Variants in PTPRD observed in about 807,000 individuals in gnomAD.
The protein encoded by PTPRD is protein tyrosine phosphatase receptor type D.
In PTPRD, 34 loss-of-function variants were observed where a neutral mutation model predicts 214.5. That is an observed-to-expected ratio of 0.16 (90% CI 0.12 to 0.21). PTPRD has a LOEUF of 0.21. PTPRD is among the 10% of genes least tolerant of loss of function. The pLI, the probability that PTPRD is intolerant of heterozygous loss-of-function variation, is 1.00. For synonymous variants in PTPRD, 1,128 were observed against 845.7 expected, an observed-to-expected ratio of 1.33 and a Z score of -5.79; for missense variants, 2,545 against 2,398.7, an observed-to-expected ratio of 1.06 and a Z score of -1.27.
chr9:8,556,848 T>A (rs1432708986), intron 14 of PTPRD, among the ~76,000 whole-genome samples: 3 of 152,136 alleles, frequency 2.0e-5, no homozygotes, highest in Non-Finnish European at 4.4e-5. Context: ...ATCGAACCCA[T>A]GTCTTTCATT....
chr9:8,505,200 G>A (rs779421353), intron 22 of PTPRD, among the ~76,000 whole-genome samples: 14 of 152,042 alleles, frequency 9.2e-5, no homozygotes, highest in Non-Finnish European at 1.6e-4. Context: ...AGTGTCTATG[G>A]GTAATCAATC....
At chr9:9,000,956 A>C (rs949051517) in intron 11 of PTPRD, among the ~76,000 whole-genome samples, 3 of 151,922 alleles carry the variant, frequency 2.0e-5, no homozygotes, top group South Asian at 2.1e-4. Flanking sequence ...TAACCATACA[A>C]ACAGCTACAG....
chr9:10,058,584 A>T (rs995349512), intron 3 of PTPRD, among the ~76,000 whole-genome samples: 9 of 152,098 alleles, frequency 5.9e-5, no homozygotes, highest in Non-Finnish European at 1.2e-4. Flanking sequence ...TCCTGCTATC[A>T]ACTGAGTCAT....
intron 11 of PTPRD, among the ~76,000 whole-genome samples, chr9:8,812,450 T>A (rs535365689): frequency 6.6e-6 from 1 of 152,362 alleles, no homozygotes; most frequent in African/African-American, 2.4e-5. Flanking sequence ...GGTAAACTTA[T>A]ATCCATCAAT....
At chr9:8,430,574 G>C (rs917296448) in intron 35 of PTPRD, among the ~76,000 whole-genome samples, 2 of 152,016 alleles carry the variant, frequency 1.3e-5, no homozygotes, top group African/African-American at 4.8e-5. Context: ...ACTGTGCCCA[G>C]CTGGGATGAC....
At chr9:9,056,008 T>C (rs2099695522) in intron 10 of PTPRD, among the ~76,000 whole-genome samples, 1 of 152,112 alleles carries the variant, frequency 6.6e-6, no homozygotes, top group Non-Finnish European at 1.5e-5. Flanking sequence ...ACAGTTTTGG[T>C]TCATAATGTC....
chr9:9,177,084 T>TTTTA, intron 10 of PTPRD, among the ~76,000 whole-genome samples: 1 of 152,270 alleles, frequency 6.6e-6, no homozygotes, highest in African/African-American at 2.4e-5. Flanking sequence ...AGAGGTTTAA[T>TTTTA]TGACTCACAG....
Position 10,148,062 on chromosome 9 carries a change from T to C in PTPRD, c.-544-114272A>G, listed in dbSNP as rs141281053. Among the ~76,000 whole-genome samples the C allele has an allele frequency of 5.2e-4, 79 of 152,280 alleles. No individual in the cohort carries two copies. The East Asian group carries it at 0.014, about 28-fold the overall frequency. ...ATACGACTTTCTAAATCCAGAGATT[T>C]TCTACCTCATGCCCACCACCACCTT... On this transcript the variant is annotated intron_variant, in intron 3 of 45. Coordinates refer to ENST00000381196, the MANE Select transcript of PTPRD (RefSeq NM_002839.4).
At chr9:10,433,884 T>A (rs369589619) in intron 2 of PTPRD, among the ~76,000 whole-genome samples, 1 of 151,848 alleles carries the variant, frequency 6.6e-6, no homozygotes, top group Non-Finnish European at 1.5e-5. Flanking sequence ...TCACAATTGA[T>A]CAGAATACTG....
intron 11 of PTPRD, among the ~76,000 whole-genome samples, chr9:9,003,027 T>C (rs910607071): frequency 2.0e-5 from 3 of 152,070 alleles, no homozygotes; most frequent in Non-Finnish European, 4.4e-5. Context: ...AATCATGAAA[T>C]GCTTTTAATG....
intron 5 of PTPRD, among the ~76,000 whole-genome samples, chr9:9,883,183 T>G (rs2069430150): frequency 6.6e-6 from 1 of 152,034 alleles, no homozygotes; most frequent in African/African-American, 2.4e-5. Flanking sequence ...TCCTTGAAGG[T>G]GCTTATACTT....
At chr9:10,417,321 A>AT (rs1024607524) in intron 2 of PTPRD, among the ~76,000 whole-genome samples, 1 of 151,982 alleles carries the variant, frequency 6.6e-6, no homozygotes. Context: ...ATTTTTAGAG[A>AT]TTTTAAGAAT....
intron 2 of PTPRD, among the ~76,000 whole-genome samples, chr9:10,583,463 T>TG (rs1339100174): frequency 6.6e-6 from 1 of 151,812 alleles, no homozygotes; most frequent in East Asian, 1.9e-4. Flanking sequence ...AGTTCTTTTT[T>TG]TTTTTTTAGA....
At chr9:9,547,456 C>T (rs1458186581) in intron 8 of PTPRD, among the ~76,000 whole-genome samples, 1 of 152,010 alleles carries the variant, frequency 6.6e-6, no homozygotes, top group Non-Finnish European at 1.5e-5. Flanking sequence ...AGGAATCAAG[C>T]TGCCTAGCCT....
chr9:9,673,716 T>G (rs1186787188), intron 7 of PTPRD, among the ~76,000 whole-genome samples: 1 of 150,594 alleles, frequency 6.6e-6, no homozygotes, highest in East Asian at 1.9e-4. Flanking sequence ...AGAAGACAAT[T>G]TAGAAAAAAA....
At chr9:8,564,670 A>G (rs1339913957) in intron 14 of PTPRD, among the ~76,000 whole-genome samples, 1 of 152,206 alleles carries the variant, frequency 6.6e-6, no homozygotes, top group African/African-American at 2.4e-5. Context: ...ACTGTACTCC[A>G]GCCTGGGCGA....
chr9:9,243,896 A>G (rs1239477660), intron 9 of PTPRD, among the ~76,000 whole-genome samples: 2 of 152,154 alleles, frequency 1.3e-5, no homozygotes, highest in Non-Finnish European at 2.9e-5. Flanking sequence ...AAACCCCATC[A>G]TCTCAGCCCA....
intron 8 of PTPRD, among the ~76,000 whole-genome samples, chr9:9,469,820 A>G (rs555150802): frequency 3.3e-5 from 5 of 152,294 alleles, no homozygotes; most frequent in African/African-American, 1.2e-4. Context: ...CTTATTTTGT[A>G]TATAATGAAA....
intron 14 of PTPRD, among the ~76,000 whole-genome samples, chr9:8,588,532 G>A (rs76361794): frequency 0.036 from 5,479 of 152,142 alleles, 197 homozygotes; most frequent in African/African-American, 0.092. Context: ...ATTATAGAAA[G>A]AATAATCCTT....
Sources: allele counts gnomAD v4.1 joint callset (sites outside exome capture counted in the v4.1 genomes callset), GRCh38; gene constraint gnomAD v4.1.1; transcripts MANE v1.5; gene names NCBI Gene and HGNC (gene_info 2026-07-23, HGNC 2026-07-21).